PKHD1: variants seen among roughly 807,000 people sequenced by gnomAD.
The protein encoded by PKHD1 is fibrocystin.
PKHD1 carries 291 observed loss-of-function variants against 412.0 expected under a neutral mutation model. The observed-to-expected ratio is 0.71, with a 90% confidence interval of 0.64 to 0.78. PKHD1 has a LOEUF of 0.78. PKHD1 is among the 30% of genes least tolerant of loss of function. PKHD1 has a pLI of 0.00. For missense variants in PKHD1, 4,825 were observed against 4,950.7 expected (o/e 0.97, Z 0.76); for synonymous variants, 1,777 against 1,821.5 (o/e 0.98, Z 0.62).
At chr6:51,623,504 T>C (rs1052372131) in intron 66 of PKHD1, among the ~76,000 whole-genome samples, 13 of 152,332 alleles carry the variant, frequency 8.5e-5, no homozygotes, top group African/African-American at 2.4e-4. Flanking sequence ...GTTGAATCTT[T>C]TAAGTTATTC....
chr6:51,648,207 CT>C, intron 62 of PKHD1, 89 bp from the exon 63 acceptor site: 2 of 767,790 alleles, frequency 2.6e-6, no homozygotes, highest in Non-Finnish European at 4.8e-6. Flanking sequence ...CAGATATTTG[CT>C]TTTATAAAGC....
At chr6:51,893,674 T>G (rs1481986026) in intron 43 of PKHD1, among the ~76,000 whole-genome samples, 2 of 152,228 alleles carry the variant, frequency 1.3e-5, no homozygotes, top group Non-Finnish European at 2.9e-5. Flanking sequence ...ATTATGGACA[T>G]TCAAGCAAGA....
chr6:51,650,554 T>G (rs2150372704), intron 61 of PKHD1, among the ~76,000 whole-genome samples: 1 of 152,268 alleles, frequency 6.6e-6, no homozygotes, highest in African/African-American at 2.4e-5. Context: ...GAGGAAAGGA[T>G]AAAGTATTTA....
At chr6:51,998,481 A>T (rs1350819415) in intron 35 of PKHD1, among the ~76,000 whole-genome samples, 1 of 152,246 alleles carries the variant, frequency 6.6e-6, no homozygotes, top group East Asian at 1.9e-4. Context: ...GGAGGTTACT[A>T]GCACTTAACT....
intron 52 of PKHD1, among the ~76,000 whole-genome samples, chr6:51,810,900 A>G (rs1259138966): frequency 6.6e-6 from 1 of 152,196 alleles, no homozygotes; most frequent in Non-Finnish European, 1.5e-5. Flanking sequence ...GTCTTACTGA[A>G]TTATGTTAGA....
rs960009145 is a variant in PKHD1, at chr6:51,635,782, G to T, written c.11507-3059C>A. Among the ~76,000 whole-genome samples the T allele has an allele frequency of 4.7e-5, 7 of 148,320 alleles. 1 individual carries two copies. The South Asian group carries it at 8.6e-4, about 18-fold the overall frequency. ...AGCTGAGTTAGCCACGTGACTTTCT[G>T]GGGGGAGAATATTCCAACCAAGGAA... is the stretch of plus-strand genomic sequence containing the variant. On this transcript the variant is annotated intron_variant, in intron 64 of 66. Transcript: ENST00000371117.
chr6:51,941,416 C>T (rs900637046), intron 36 of PKHD1, among the ~76,000 whole-genome samples: 10 of 149,318 alleles, frequency 6.7e-5, no homozygotes, highest in East Asian at 1.9e-4. Flanking sequence ...CCACCGCGCC[C>T]GGCTAATTTT....
chr6:52,070,607 A>C (rs1042846458), intron 9 of PKHD1, among the ~76,000 whole-genome samples, 162 bp from the exon 10 acceptor site: 16 of 151,866 alleles, frequency 1.1e-4, no homozygotes, highest in Admixed American at 5.2e-4. Context: ...AACAAACAAA[A>C]AAACAAAAAC....
intron 36 of PKHD1, among the ~76,000 whole-genome samples, chr6:51,948,972 C>T (rs1480724696): frequency 1.3e-5 from 2 of 152,006 alleles, no homozygotes; most frequent in Admixed American, 1.3e-4. Context: ...CCAGCATGTA[C>T]AGAGTTAGGA....
Position 51,626,979 on chromosome 6 carries a change from T to C in PKHD1, c.11785+18A>G. On this transcript the variant is annotated intron_variant, in intron 66 of 66. Coordinates refer to ENST00000371117, the MANE Select transcript of PKHD1 (RefSeq NM_138694.4). The stretch of plus-strand genomic sequence containing the variant: ...GTGGGTCTCTCCTGTGGGGATCATC[T>C]CCACCCTCCAAGCTTACCTTCTCCC... 1.2e-6 allele frequency: 2 copies of C among 1,612,884 alleles called. No homozygotes were observed. Among genetic ancestry groups the C allele is most frequent in the Admixed American group, 3.3e-5 (2 of 59,962 alleles).
intron 37 of PKHD1, among the ~76,000 whole-genome samples, chr6:51,920,730 C>T (rs1373119085): frequency 1.3e-5 from 2 of 152,112 alleles, no homozygotes; most frequent in East Asian, 1.9e-4. Flanking sequence ...TGGTAGAATT[C>T]GGCTGTGAAT....
intron 61 of PKHD1, among the ~76,000 whole-genome samples, chr6:51,650,527 C>T (rs1255285841): frequency 6.6e-6 from 1 of 152,102 alleles, no homozygotes; most frequent in Non-Finnish European, 1.5e-5. Flanking sequence ...CTAACCACCT[C>T]CCCTTCCCCA....
chr6:51,831,034 A>G (rs1768159699), intron 51 of PKHD1, 45 bp from the exon 52 acceptor site: 1 of 1,483,924 alleles, frequency 6.7e-7, no homozygotes, highest in Non-Finnish European at 9.4e-7. Flanking sequence ...CATTGTGATA[A>G]CTTCCAAATT....
rs920593854 is a variant in PKHD1 at position 51,899,190 on chromosome 6, T to A, written c.6996+4407A>T. 2.4e-3 allele frequency among the ~76,000 whole-genome samples: 367 copies of A among 152,126 alleles called. 3 individuals are homozygous for A. Among genetic ancestry groups the A allele is most frequent in the African/African-American group, 7.9e-3 (326 of 41,420 alleles). ...ATGAGGCCAGCATCATTCTGATACCTAAGCCGGGCAGAGACACAACCAAAA... is the reference window on the plus strand; with the variant it reads ...ATGAGGCCAGCATCATTCTGATACCAAAGCCGGGCAGAGACACAACCAAAA... On this transcript the variant is annotated intron_variant, in intron 43 of 66. Coordinates refer to ENST00000371117, the MANE Select transcript of PKHD1 (RefSeq NM_138694.4).
intron 60 of PKHD1, among the ~76,000 whole-genome samples, chr6:51,739,710 T>A (rs1784321281): frequency 6.6e-6 from 1 of 152,194 alleles, no homozygotes; most frequent in Non-Finnish European, 1.5e-5. Flanking sequence ...GCCAAATGAA[T>A]GAAAATGCCA....
At chr6:52,007,979 G>C (rs536574199) in intron 35 of PKHD1, among the ~76,000 whole-genome samples, 1 of 152,250 alleles carries the variant, frequency 6.6e-6, no homozygotes, top group East Asian at 1.9e-4. Context: ...GTTCCCTCGT[G>C]TGCTTCTGGC....
chr6:51,881,153 C>T (rs1403468017), intron 46 of PKHD1, among the ~76,000 whole-genome samples: 2 of 145,472 alleles, frequency 1.4e-5, no homozygotes, highest in Non-Finnish European at 3.0e-5. Context: ...CTGAAAAATA[C>T]TGTGCTAAGT....
At chr6:52,067,232 C>A (rs1028280402) in intron 11 of PKHD1, among the ~76,000 whole-genome samples, 1 of 152,178 alleles carries the variant, frequency 6.6e-6, no homozygotes, top group Non-Finnish European at 1.5e-5. Flanking sequence ...ACCATAATAA[C>A]CCCCTGCTTT....
chr6:52,072,292 C>T, intron 7 of PKHD1, 103 bp from the exon 8 acceptor site: 7 of 782,170 alleles, frequency 8.9e-6, no homozygotes, highest in Non-Finnish European at 1.5e-5. Flanking sequence ...TATGAACACT[C>T]TCCTCTGGAT....
Sources: gnomAD v4.1 joint callset for allele counts (sites outside exome capture counted in the v4.1 genomes callset) on GRCh38, gnomAD v4.1.1 for gene constraint, MANE v1.5 for transcripts, NCBI Gene and HGNC (gene_info 2026-07-23, HGNC 2026-07-21) for gene names.